The following CRB3 variants were observed in gnomAD, a reference collection of about 807,000 sequenced individuals.
CRB3 encodes crumbs cell polarity complex component 3.
CRB3 carries 4 observed loss-of-function variants against 10.4 expected under a neutral mutation model. The ratio of observed to expected loss-of-function variants is 0.39; its 90% CI spans 0.19 to 0.88. The LOEUF is 0.88. Among genes scored for constraint, CRB3 ranks in the 40% least tolerant of loss-of-function variants. The pLI is 0.39. For missense variants in CRB3, 154 were observed against 160.2 expected (o/e 0.96, Z 0.21); for synonymous variants, 74 against 73.4 (o/e 1.01, Z -0.04).
rs374426462 is a variant in CRB3 at position 6,466,714 on chromosome 19, C to T, written c.*42C>T. On this transcript the variant is annotated 3_prime_UTR_variant, in exon 4 of 4. Transcript: ENST00000600229. This position sits in a 1 kb window ranked among gnomAD's most constrained non-coding sequence, Gnocchi z 4.9. The stretch of plus-strand genomic sequence containing the variant: ...CAGCCACCAACACTGCCCAGGACTG[C>T]GGGTTGCTGGCTTGTACACCGCAGC... 189 of 1,583,254 alleles carry T rather than the reference C, an allele frequency of 1.2e-4. No individual in the cohort carries two copies. The African/African-American group carries it at 2.0e-3, about 17-fold the overall frequency.
rs139115539 is a variant in CRB3 at position 6,464,419 on chromosome 19, C to T, written c.-95+69C>T. On this transcript the variant is annotated intron_variant, in intron 1 of 3. Transcript: ENST00000600229. This position sits in a 1 kb window ranked among gnomAD's most constrained non-coding sequence, Gnocchi z 5.3. ...CCACCCTGCCCGTCCCGTCCCGTCC[C>T]GTCCCGTCCCCTTCCTTTCCCCAGC... The T allele has an allele frequency of 2.4e-3, 806 of 331,046 alleles. 7 individuals carry two copies. The highest frequency in any genetic ancestry group is 0.016 in the African/African-American group (765 of 47,130). The allele number at this position is 331,046 out of a possible 1,614,324, so 20.5% of individuals were successfully genotyped here.
rs2092796851 is a variant in CRB3 at position 6,466,753 on chromosome 19, C to T, written c.*81C>T. 6.4e-7 allele frequency: 1 copy of T among 1,555,242 alleles called. No individual in the cohort carries two copies. The highest frequency in any genetic ancestry group is 1.4e-5 in the African/African-American group (1 of 73,634). Reference sequence around the variant, plus strand: ...GTACACCGCAGCTGCCACCGAGACACCAGCCTCTGATGGCTCAGGAGGACT... The same window carrying T: ...GTACACCGCAGCTGCCACCGAGACATCAGCCTCTGATGGCTCAGGAGGACT... On this transcript the variant is annotated 3_prime_UTR_variant, in exon 4 of 4. Coordinates refer to ENST00000600229, the MANE Select transcript of CRB3 (RefSeq NM_139161.5). The surrounding 1 kb of genome is among the most constrained non-coding windows in gnomAD (Gnocchi z 4.9).
intron 2 of CRB3, chr19:6,465,285 G>A (rs2092788800): frequency 2.0e-6 from 1 of 511,776 alleles, no homozygotes; most frequent in South Asian, 2.6e-5. Flanking sequence ...AGGGCCGAGA[G>A]GTGAGTAGGG....
chr19:6,466,256 C>T lies in CRB3; in HGVS notation c.157-210C>T, dbSNP rs60730900. 0.057 allele frequency among the ~76,000 whole-genome samples: 8,711 copies of T among 151,856 alleles called. 281 individuals carry two copies. Among genetic ancestry groups the T allele is most frequent in the South Asian group, 0.12 (570 of 4,810 alleles). On this transcript the variant is annotated intron_variant, in intron 3 of 3. Coordinates refer to ENST00000600229, the MANE Select transcript of CRB3 (RefSeq NM_139161.5). The surrounding 1 kb of genome is among the most constrained non-coding windows in gnomAD (Gnocchi z 4.9). Reference sequence around the variant, plus strand: ...AGGTGCTTGCGAGGGGTGTCCCGGACATGGCAGGTGGTGGGGAGCCTTCGC... The same window carrying T: ...AGGTGCTTGCGAGGGGTGTCCCGGATATGGCAGGTGGTGGGGAGCCTTCGC...
In CRB3 at chr19:6,466,817, G is replaced by C; in HGVS notation, c.*145G>C. On this transcript the variant is annotated 3_prime_UTR_variant, in exon 4 of 4. Transcript: ENST00000600229. This position sits in a 1 kb window ranked among gnomAD's most constrained non-coding sequence, Gnocchi z 4.9. ...TGGGGGCACCCATGTGGTGGGCTCT[G>C]TGCAGCATGTTGCCTCTGCTTGGCT... The C allele has an allele frequency of 4.5e-6, 7 of 1,557,164 alleles. No individual in the cohort carries two copies. Among genetic ancestry groups the C allele is most frequent in the Non-Finnish European group, 6.1e-6 (7 of 1,150,972 alleles).
Position 6,466,664 on chromosome 19 carries a change from C to T in CRB3, c.355C>T (p.Leu119Phe). 1.2e-6 allele frequency: 2 copies of T among 1,600,026 alleles called. No individual in the cohort carries two copies. The highest frequency in any genetic ancestry group is 1.7e-6 in the Non-Finnish European group (2 of 1,179,612). ...PNLKLPPEER[L>F]I ...CCTCAAGTTGCCGCCGGAAGAGCGG[C>T]TCATCTGAACGCTGGGGCCTGCTGC... is the stretch of plus-strand genomic sequence containing the variant. The change falls in exon 4 of 4, where the codon CTC (leucine) becomes TTC (phenylalanine). Residue 119 changes from leucine (L) to phenylalanine (F), a missense_variant. By Grantham distance (22) the Leu-to-Phe change is conservative. Coordinates refer to ENST00000600229, the MANE Select transcript of CRB3 (RefSeq NM_139161.5). The surrounding 1 kb of genome is among the most constrained non-coding windows in gnomAD (Gnocchi z 4.9).
Position 6,466,662 on chromosome 19 carries a change from G to T in CRB3, c.353G>T (p.Arg118Leu), listed in dbSNP as rs752278926. ...TPNLKLPPEE[R>L]LI ...AACCTCAAGTTGCCGCCGGAAGAGC[G>T]GCTCATCTGAACGCTGGGGCCTGCT... The change falls in exon 4 of 4, where the codon CGG becomes CTG. Residue 118 changes from arginine (R) to leucine (L), a missense_variant. Transcript: ENST00000600229. This position sits in a 1 kb window ranked among gnomAD's most constrained non-coding sequence, Gnocchi z 4.9. The T allele has an allele frequency of 3.1e-6, 5 of 1,600,408 alleles. No individual in the cohort carries two copies. The Admixed American group carries it at 6.7e-5, about 21-fold the overall frequency.
In CRB3 at chr19:6,464,412, C is replaced by G. The variant is rs565411846; in HGVS notation, c.-95+62C>G. The G allele has an allele frequency of 3.2e-6, 1 of 316,272 alleles. No individual in the cohort carries two copies. Among genetic ancestry groups the G allele is most frequent in the Non-Finnish European group, 5.8e-6 (1 of 173,862 alleles). The allele number at this position is 316,272 out of a possible 1,614,324, so 19.6% of individuals were successfully genotyped here. On this transcript the variant is annotated intron_variant, in intron 1 of 3. Coordinates refer to ENST00000600229, the MANE Select transcript of CRB3 (RefSeq NM_139161.5). This position sits in a 1 kb window ranked among gnomAD's most constrained non-coding sequence, Gnocchi z 5.3. ...CGCCCGTCCACCCTGCCCGTCCCGTCCCGTCCCGTCCCGTCCCCTTCCTTT... is the reference window on the plus strand; with the variant it reads ...CGCCCGTCCACCCTGCCCGTCCCGTGCCGTCCCGTCCCGTCCCCTTCCTTT...
chr19:6,463,988 A>G (rs1288397127), upstream of CRB3: 6 of 152,118 alleles, frequency 3.9e-5, no homozygotes, highest in Admixed American at 2.6e-4. Context: ...GCACGGGTAC[A>G]TACATACCCC....
chr19:6,464,971 C>T lies in CRB3; in HGVS notation c.82+188C>T, dbSNP rs1192480260. 1.8e-5 allele frequency: 7 copies of T among 395,982 alleles called. No homozygotes were observed. Among genetic ancestry groups the T allele is most frequent in the Non-Finnish European group, 2.7e-5 (6 of 225,972 alleles). 24.5% of individuals were successfully genotyped at this position (395,982 alleles called of 1,614,324 possible). On this transcript the variant is annotated intron_variant, in intron 2 of 3. Coordinates refer to ENST00000600229, the MANE Select transcript of CRB3 (RefSeq NM_139161.5). This position sits in a 1 kb window ranked among gnomAD's most constrained non-coding sequence, Gnocchi z 5.3. The stretch of plus-strand genomic sequence containing the variant: ...GGGGATTAAGATTTCTAGTTTCTTC[C>T]TTGGACACTGGGAGTTGGTCTAGGA...
chr19:6,465,495 TG>T, intron 2 of CRB3, 49 bp from the exon 3 acceptor site: 1 of 1,501,566 alleles, frequency 6.7e-7, no homozygotes, highest in Non-Finnish European at 9.3e-7. Context: ...TGGGCGGGGA[TG>T]GGAGAGAAAG....
At position 6,465,633 on chromosome 19, in the gene CRB3, T is replaced by C; in HGVS notation, c.156+15T>C. Reference sequence around the variant, plus strand: ...ATGGCAACCTGGTGAGTTGGAGGTATATGTGGGAAGATGGCAGCAAGGATG... The same window carrying C: ...ATGGCAACCTGGTGAGTTGGAGGTACATGTGGGAAGATGGCAGCAAGGATG... On this transcript the variant is annotated intron_variant, in intron 3 of 3. Transcript: ENST00000600229. 1 of 1,605,416 alleles carries C rather than the reference T, an allele frequency of 6.2e-7. No homozygotes were observed. The highest frequency in any genetic ancestry group is 8.5e-7 in the Non-Finnish European group (1 of 1,172,140).
At position 6,464,679 on chromosome 19, in the gene CRB3, G is replaced by A. The variant is rs754943389; in HGVS notation, c.-23G>A. On this transcript the variant is annotated 5_prime_UTR_variant, in exon 2 of 4. Transcript: ENST00000600229. This position sits in a 1 kb window ranked among gnomAD's most constrained non-coding sequence, Gnocchi z 5.3. Reference sequence around the variant, plus strand: ...GAGCGCGAGAAGCCCCTTCCTCGGCGCTGCCAACCCGCCACCCAGCCCATG... The same window carrying A: ...GAGCGCGAGAAGCCCCTTCCTCGGCACTGCCAACCCGCCACCCAGCCCATG... The A allele has an allele frequency of 1.2e-4, 149 of 1,230,228 alleles. No individual in the cohort carries two copies. The highest frequency in any genetic ancestry group is 1.5e-4 in the Non-Finnish European group (146 of 985,652). The allele number at this position is 1,230,228 out of a possible 1,614,324, so 76.2% of individuals were successfully genotyped here.
chr19:6,464,495 T>A lies in CRB3; in HGVS notation c.-94-113T>A. The A allele has an allele frequency of 2.5e-6, 1 of 393,024 alleles. No homozygotes were observed. The highest frequency in any genetic ancestry group is 4.5e-6 in the Non-Finnish European group (1 of 223,062). 24.3% of individuals were successfully genotyped at this position (393,024 alleles called of 1,614,324 possible). ...TCTTTAATCGCTGACCTCTGGCGGC[T>A]GGGGCGGGGCGGGACTCATGGGTGC... On this transcript the variant is annotated intron_variant, in intron 1 of 3. Transcript: ENST00000600229. This position sits in a 1 kb window ranked among gnomAD's most constrained non-coding sequence, Gnocchi z 5.3.
intron 3 of CRB3, 41 bp downstream of exon 3, chr19:6,465,659 T>C: frequency 3.3e-6 from 5 of 1,495,462 alleles, no homozygotes; most frequent in Non-Finnish European, 4.7e-6. Context: ...AGCAAGGATG[T>C]TATCTAGGGG....
At position 6,467,052 on chromosome 19, in the gene CRB3, T is replaced by C. The variant is rs1377305704; in HGVS notation, c.*380T>C. 3 of 1,600,906 alleles carry C rather than the reference T, an allele frequency of 1.9e-6. No individual in the cohort carries two copies. Among genetic ancestry groups the C allele is most frequent in the East Asian group, 2.2e-5 (1 of 44,744 alleles). On this transcript the variant is annotated 3_prime_UTR_variant, in exon 4 of 4. Transcript: ENST00000600229. Reference sequence around the variant, plus strand: ...CCTCTCCTGCATCTGTCTCCCTTCATTGCTGTGTGACCTTGGGGAAAGGCA... The same window carrying C: ...CCTCTCCTGCATCTGTCTCCCTTCACTGCTGTGTGACCTTGGGGAAAGGCA...
Position 6,466,674 on chromosome 19 carries a change from C to T in CRB3, c.*2C>T, listed in dbSNP as rs150164320. 253 of 1,598,842 alleles carry T rather than the reference C, an allele frequency of 1.6e-4. 1 individual carries two copies. The African/African-American group carries it at 2.0e-3, about 13-fold the overall frequency. The stretch of plus-strand genomic sequence containing the variant: ...CCGCCGGAAGAGCGGCTCATCTGAA[C>T]GCTGGGGCCTGCTGCAGCCACCAAC... On this transcript the variant is annotated 3_prime_UTR_variant, in exon 4 of 4. Transcript: ENST00000600229. The surrounding 1 kb of genome is among the most constrained non-coding windows in gnomAD (Gnocchi z 4.9).
rs768604284 is a variant in CRB3, at chr19:6,464,684, C to T, written c.-18C>T. On this transcript the variant is annotated 5_prime_UTR_variant, in exon 2 of 4. Transcript: ENST00000600229. This position sits in a 1 kb window ranked among gnomAD's most constrained non-coding sequence, Gnocchi z 5.3. ...CGAGAAGCCCCTTCCTCGGCGCTGC[C>T]AACCCGCCACCCAGCCCATGGCGAA... is the stretch of plus-strand genomic sequence containing the variant. 17 of 1,233,100 alleles carry T rather than the reference C, an allele frequency of 1.4e-5. No individual in the cohort carries two copies. Among genetic ancestry groups the T allele is most frequent in the South Asian group, 8.2e-5 (2 of 24,490 alleles). 76.4% of individuals were successfully genotyped at this position (1,233,100 alleles called of 1,614,324 possible). A position where few individuals can be genotyped will look rare whatever the true frequency, so the allele number is the denominator to read the frequency against.
chr19:6,466,015 A>G lies in CRB3; in HGVS notation c.156+397A>G, dbSNP rs1233998127. Among the ~76,000 whole-genome samples, 2 of 152,146 alleles carry G rather than the reference A, an allele frequency of 1.3e-5. No homozygotes were observed. The highest frequency in any genetic ancestry group is 2.9e-5 in the Non-Finnish European group (2 of 68,008). ...GGAGTTTGAAACCAGCACGGCCAAC[A>G]TGGTGAAACCCTGTCTCTACTAAAA... On this transcript the variant is annotated intron_variant, in intron 3 of 3. Coordinates refer to ENST00000600229, the MANE Select transcript of CRB3 (RefSeq NM_139161.5). The surrounding 1 kb of genome is among the most constrained non-coding windows in gnomAD (Gnocchi z 4.9).
Sources: allele counts gnomAD v4.1 joint callset (sites outside exome capture counted in the v4.1 genomes callset), GRCh38; gene constraint gnomAD v4.1.1; non-coding constraint Gnocchi (gnomAD v3.1); transcripts MANE v1.5; gene names NCBI Gene and HGNC (gene_info 2026-07-23, HGNC 2026-07-21).